Variants in SLC4A10 observed in about 807,000 individuals in gnomAD.
SLC4A10 encodes sodium-driven chloride bicarbonate exchanger.
In SLC4A10, 42 loss-of-function variants were observed where a neutral mutation model predicts 137.7. The ratio of observed to expected loss-of-function variants is 0.30; its 90% CI spans 0.24 to 0.39. The LOEUF (loss-of-function observed/expected upper bound fraction) is 0.39. Ranked by LOEUF, SLC4A10 falls within the 10% of genes least tolerant of loss-of-function variation. SLC4A10 has a pLI of 1.00. For synonymous variants in SLC4A10, 474 were observed against 464.1 expected, an observed-to-expected ratio of 1.02 and a Z score of -0.27; for missense variants, 925 against 1,355.0, an observed-to-expected ratio of 0.68 and a Z score of 4.98.
At chr2:161,729,312 C>T (rs1198927655) in intron 1 of SLC4A10, among the ~76,000 whole-genome samples, 2 of 152,026 alleles carry the variant, frequency 1.3e-5, no homozygotes, top group African/African-American at 2.4e-5. Flanking sequence ...GAACGCCTCC[C>T]CCAACCAAAC....
intron 2 of SLC4A10, among the ~76,000 whole-genome samples, chr2:161,794,822 G>T (rs1438287437): frequency 6.6e-6 from 1 of 152,012 alleles, no homozygotes; most frequent in East Asian, 1.9e-4. Flanking sequence ...ATACCACTGA[G>T]GTGTTTTCCC....
At chr2:161,755,107 T>A (rs1314348553) in intron 1 of SLC4A10, among the ~76,000 whole-genome samples, 2 of 152,128 alleles carry the variant, frequency 1.3e-5, no homozygotes, top group African/African-American at 4.8e-5. Context: ...ACAAAAAAAA[T>A]AAATTATACA....
chr2:161,750,793 T>C (rs889765212), intron 1 of SLC4A10, among the ~76,000 whole-genome samples: 2 of 151,810 alleles, frequency 1.3e-5, no homozygotes, highest in African/African-American at 4.8e-5. Flanking sequence ...GTGTTCTATC[T>C]ATTTTTGAAG....
rs370975873 is a variant in SLC4A10, at chr2:161,930,963, G to A, written c.1998-11829G>A. Reference sequence around the variant, plus strand: ...TATTTTGTTTTTTAAGACGCGTCTCGCTCTGTGGCCCAAGCTGAAGTGCAG... The same window carrying A: ...TATTTTGTTTTTTAAGACGCGTCTCACTCTGTGGCCCAAGCTGAAGTGCAG... On this transcript the variant is annotated intron_variant, in intron 15 of 26. Transcript: ENST00000446997. Among the ~76,000 whole-genome samples, 3 of 149,692 alleles carry A rather than the reference G, an allele frequency of 2.0e-5. No individual in the cohort carries two copies. In the East Asian group the frequency reaches 5.8e-4, roughly 29 times the overall value.
At chr2:161,792,502 T>C (rs532109051) in intron 2 of SLC4A10, among the ~76,000 whole-genome samples, 4 of 152,278 alleles carry the variant, frequency 2.6e-5, no homozygotes, top group African/African-American at 4.8e-5. Flanking sequence ...AGTTGTACCA[T>C]GAAGGTGGCA....
intron 2 of SLC4A10, among the ~76,000 whole-genome samples, chr2:161,782,514 A>C (rs921556341): frequency 2.6e-5 from 4 of 151,756 alleles, no homozygotes; most frequent in African/African-American, 9.7e-5. Flanking sequence ...AAATCTCCAG[A>C]AATTGACTCT....
intron 11 of SLC4A10, among the ~76,000 whole-genome samples, chr2:161,896,530 A>T (rs2063523977): frequency 6.6e-6 from 1 of 152,116 alleles, no homozygotes; most frequent in Admixed American, 6.6e-5. Flanking sequence ...CACGATATTG[A>T]TTCTTCCTAT....
At chr2:161,688,200 A>G (rs958322874) in intron 1 of SLC4A10, among the ~76,000 whole-genome samples, 8 of 151,826 alleles carry the variant, frequency 5.3e-5, no homozygotes, top group African/African-American at 1.7e-4. Context: ...CCAATGAAAA[A>G]CTCTTCATTC....
intron 1 of SLC4A10, among the ~76,000 whole-genome samples, chr2:161,758,576 A>G (rs2049919797): frequency 6.6e-6 from 1 of 151,996 alleles, no homozygotes; most frequent in African/African-American, 2.4e-5. Flanking sequence ...TAAATCATTA[A>G]ACTAACAGAC....
chr2:161,816,673 C>T (rs2057099719), intron 3 of SLC4A10, among the ~76,000 whole-genome samples: 1 of 142,076 alleles, frequency 7.0e-6, no homozygotes, highest in Non-Finnish European at 1.5e-5. Flanking sequence ...TGTTCCCCTT[C>T]CTGTGTCCAT....
chr2:161,780,652 T>C lies in SLC4A10; in HGVS notation c.130+9598T>C, dbSNP rs1231918253. Among the ~76,000 whole-genome samples the C allele has an allele frequency of 5.3e-5, 8 of 152,184 alleles. No individual in the cohort carries two copies. In the South Asian group the frequency reaches 1.7e-3, roughly 32 times the overall value. ...CTTCAGAGCGGCTCATATAAATCAA[T>C]GATTTTTTAAAAAATTCTTTCATTT... is the stretch of plus-strand genomic sequence containing the variant. On this transcript the variant is annotated intron_variant, in intron 2 of 26. Coordinates refer to ENST00000446997, the MANE Select transcript of SLC4A10 (RefSeq NM_001178015.2).
At chr2:161,685,971 G>T (rs1021597467) in intron 1 of SLC4A10, among the ~76,000 whole-genome samples, 1 of 152,128 alleles carries the variant, frequency 6.6e-6, no homozygotes, top group Non-Finnish European at 1.5e-5. Flanking sequence ...AAATGGACCA[G>T]CAAGTACTAT....
At chr2:161,832,485 C>A (rs2058493512) in intron 3 of SLC4A10, among the ~76,000 whole-genome samples, 3 of 152,076 alleles carry the variant, frequency 2.0e-5, no homozygotes, top group Admixed American at 1.3e-4. Context: ...ACTTGTGGAC[C>A]AAATTGTCTA....
intron 1 of SLC4A10, among the ~76,000 whole-genome samples, chr2:161,760,594 G>A (rs73017124): frequency 6.6e-6 from 1 of 151,886 alleles, no homozygotes; most frequent in African/African-American, 2.4e-5. Context: ...TGATACTTAT[G>A]ACTAAACTAT....
chr2:161,838,495 C>A (rs2058963081), intron 3 of SLC4A10, among the ~76,000 whole-genome samples: 1 of 152,084 alleles, frequency 6.6e-6, no homozygotes, highest in Admixed American at 6.6e-5. Flanking sequence ...AAATTTAAAA[C>A]TTTTCCTCAG....
intron 2 of SLC4A10, among the ~76,000 whole-genome samples, chr2:161,774,434 A>G (rs62189057): frequency 0.056 from 8,521 of 151,828 alleles, 332 homozygotes; most frequent in Non-Finnish European, 0.078. Context: ...TTAGTAGTGG[A>G]TGTTACAGTG....
intron 8 of SLC4A10, 53 bp downstream of exon 8, chr2:161,874,058 G>C: frequency 1.3e-6 from 2 of 1,491,612 alleles, no homozygotes. Context: ...TCATTTCACT[G>C]TATGGAGGCA....
chr2:161,694,927 C>T (rs539033016), intron 1 of SLC4A10, among the ~76,000 whole-genome samples: 13 of 151,840 alleles, frequency 8.6e-5, no homozygotes, highest in Admixed American at 3.9e-4. Context: ...ATCTTTGTGT[C>T]CCATAATCAA....
chr2:161,889,529 G>A (rs1429912025), intron 10 of SLC4A10, among the ~76,000 whole-genome samples: 2 of 152,062 alleles, frequency 1.3e-5, no homozygotes, highest in African/African-American at 2.4e-5. Flanking sequence ...ATGTGTTCAG[G>A]AATTTATCCA....
Sources: allele counts gnomAD v4.1 joint callset (sites outside exome capture counted in the v4.1 genomes callset), GRCh38; gene constraint gnomAD v4.1.1; transcripts MANE v1.5; gene names NCBI Gene and HGNC (gene_info 2026-07-23, HGNC 2026-07-21).